Variants in CDH4 observed in about 807,000 individuals in gnomAD.
The protein encoded by CDH4 is cadherin 4.
CDH4 carries 33 observed loss-of-function variants against 86.0 expected under a neutral mutation model. The observed-to-expected ratio is 0.38, with a 90% CI of 0.29 to 0.51. The LOEUF (loss-of-function observed/expected upper bound fraction) is 0.51. Among genes scored for constraint, CDH4 ranks in the 20% least tolerant of loss-of-function variants. The pLI is 0.86. For synonymous variants in CDH4, 555 were observed against 549.4 expected (o/e 1.01, Z -0.14); for missense variants, 1,114 against 1,307.4 (o/e 0.85, Z 2.28).
intron 2 of CDH4, among the ~76,000 whole-genome samples, chr20:61,359,902 A>G (rs1255451550): frequency 6.6e-6 from 1 of 152,222 alleles, no homozygotes; most frequent in African/African-American, 2.4e-5. Context: ...AACAGATGAA[A>G]CAAATCTTCC....
chr20:61,417,770 C>T lies in CDH4; in HGVS notation c.169+162833C>T, dbSNP rs112175076. ...ACAGGAGCCTTGACCTGACAAGGTCCTCGAGGCCAGGCGAGGTCTCAGGAA... is the reference window on the plus strand; with the variant it reads ...ACAGGAGCCTTGACCTGACAAGGTCTTCGAGGCCAGGCGAGGTCTCAGGAA... On this transcript the variant is annotated intron_variant, in intron 2 of 15. Coordinates refer to ENST00000614565, the MANE Select transcript of CDH4 (RefSeq NM_001794.5). This position sits in a 1 kb window ranked among gnomAD's most constrained non-coding sequence, Gnocchi z 4.0. Among the ~76,000 whole-genome samples, 4 of 152,092 alleles carry T rather than the reference C, an allele frequency of 2.6e-5. No individual in the cohort carries two copies. Among genetic ancestry groups the T allele is most frequent in the African/African-American group, 9.7e-5 (4 of 41,410 alleles).
intron 9 of CDH4, among the ~76,000 whole-genome samples, chr20:61,918,648 T>C (rs1274551070): frequency 6.6e-6 from 1 of 152,140 alleles, no homozygotes; most frequent in Admixed American, 6.5e-5. Context: ...AGACCACCCC[T>C]GGGGAGGATG....
At chr20:61,315,852 C>T (rs1349027004) in intron 2 of CDH4, among the ~76,000 whole-genome samples, 1 of 152,184 alleles carries the variant, frequency 6.6e-6, no homozygotes, top group African/African-American at 2.4e-5. Flanking sequence ...TACAGGTGTA[C>T]ACCACCATGT....
At chr20:61,627,909 C>A (rs924321293) in intron 2 of CDH4, among the ~76,000 whole-genome samples, 51 of 152,080 alleles carry the variant, frequency 3.4e-4, no homozygotes, top group Non-Finnish European at 3.7e-4. Context: ...TGTTCTCACC[C>A]CTCCCTTCCC....
intron 4 of CDH4, among the ~76,000 whole-genome samples, chr20:61,777,317 A>T (rs2088853330): frequency 1.3e-5 from 2 of 152,212 alleles, no homozygotes; most frequent in Admixed American, 6.5e-5. Flanking sequence ...GGCACCCATC[A>T]GCTAACCCTG....
intron 2 of CDH4, among the ~76,000 whole-genome samples, chr20:61,611,567 G>A (rs963938523): frequency 4.6e-5 from 7 of 152,078 alleles, no homozygotes; most frequent in African/African-American, 1.7e-4. Flanking sequence ...AGCTGAGTGG[G>A]GCTGGAGCTG....
intron 2 of CDH4, among the ~76,000 whole-genome samples, chr20:61,542,919 G>A (rs570354179): frequency 6.6e-4 from 100 of 152,340 alleles, no homozygotes; most frequent in African/African-American, 2.3e-3. Context: ...TAGGGAAGCC[G>A]ACAGTGCAGC....
intron 2 of CDH4, among the ~76,000 whole-genome samples, chr20:61,424,251 CACAT>C (rs2085198561): frequency 7.0e-6 from 1 of 142,720 alleles, no homozygotes; most frequent in Non-Finnish European, 1.6e-5. Context: ...TGTATCCACA[CACAT>C]ATATCCACAC....
chr20:61,614,777 G>T (rs1182369017), intron 2 of CDH4, among the ~76,000 whole-genome samples: 1 of 152,124 alleles, frequency 6.6e-6, no homozygotes, highest in Non-Finnish European at 1.5e-5. Context: ...CAGTGAGGGG[G>T]TGACTCACTA....
chr20:61,571,030 T>C (rs944331314), intron 2 of CDH4, among the ~76,000 whole-genome samples: 2 of 152,194 alleles, frequency 1.3e-5, no homozygotes, highest in African/African-American at 4.8e-5. Context: ...GATACCTAGC[T>C]GTTACCTGGC....
intron 2 of CDH4, among the ~76,000 whole-genome samples, chr20:61,281,825 T>C (rs1264707128): frequency 6.6e-6 from 1 of 152,256 alleles, no homozygotes; most frequent in Admixed American, 6.5e-5. Context: ...GTCTGCCATC[T>C]GACATGATTG....
chr20:61,394,275 C>G (rs577587403), intron 2 of CDH4, among the ~76,000 whole-genome samples: 1 of 152,098 alleles, frequency 6.6e-6, no homozygotes, highest in Non-Finnish European at 1.5e-5. Context: ...AGGCATCACT[C>G]CAGCATCTCC....
chr20:61,631,866 C>T (rs945779754), intron 2 of CDH4, among the ~76,000 whole-genome samples: 1 of 152,214 alleles, frequency 6.6e-6, no homozygotes, highest in African/African-American at 2.4e-5. Flanking sequence ...ATGGGGCCCT[C>T]AGGAGGCGTG....
At chr20:61,664,817 C>T (rs2087304968) in intron 2 of CDH4, among the ~76,000 whole-genome samples, 1 of 152,228 alleles carries the variant, frequency 6.6e-6, no homozygotes, top group Admixed American at 6.5e-5. Flanking sequence ...CCAAGAAATC[C>T]ATAATCTGTT....
chr20:61,767,607 A>G (rs1408392073), intron 3 of CDH4, among the ~76,000 whole-genome samples: 2 of 152,180 alleles, frequency 1.3e-5, no homozygotes, highest in Non-Finnish European at 2.9e-5. Flanking sequence ...GCTGGAGGCC[A>G]GAGTGGGCGC....
chr20:61,596,718 A>G (rs1179674724), intron 2 of CDH4, among the ~76,000 whole-genome samples: 1 of 152,176 alleles, frequency 6.6e-6, no homozygotes, highest in African/African-American at 2.4e-5. Context: ...CATAATAATA[A>G]TGATGAATAA....
Position 61,287,290 on chromosome 20 carries a change from A to G in CDH4, c.169+32353A>G, listed in dbSNP as rs184540994. 2.9e-3 allele frequency among the ~76,000 whole-genome samples: 437 copies of G among 152,282 alleles called. 19 individuals carry two copies. Among genetic ancestry groups the G allele is most frequent in the Admixed American group, 0.024 (360 of 15,310 alleles). ...GGGGCACTCATGGCCAGCTTGGGCA[A>G]CATCGAGAGACCTGGTCTCTACACT... On this transcript the variant is annotated intron_variant, in intron 2 of 15. Transcript: ENST00000614565.
intron 2 of CDH4, among the ~76,000 whole-genome samples, chr20:61,559,555 C>G (rs2086201727): frequency 8.1e-6 from 1 of 122,994 alleles, no homozygotes; most frequent in African/African-American, 3.3e-5. Flanking sequence ...GAGTCTCACT[C>G]TGTGTGTGGC....
intron 2 of CDH4, among the ~76,000 whole-genome samples, chr20:61,673,851 T>A (rs1464002372): frequency 6.6e-6 from 1 of 152,174 alleles, no homozygotes; most frequent in Non-Finnish European, 1.5e-5. Flanking sequence ...CTAGACAATA[T>A]GACAAAATGA....
Sources: allele counts gnomAD v4.1 joint callset (sites outside exome capture counted in the v4.1 genomes callset), GRCh38; gene constraint gnomAD v4.1.1; non-coding constraint Gnocchi (gnomAD v3.1); transcripts MANE v1.5; gene names NCBI Gene and HGNC (gene_info 2026-07-23, HGNC 2026-07-21).